Variants in KAZN observed in about 807,000 individuals in gnomAD.
The protein encoded by KAZN is kazrin, periplakin interacting protein, also known as kazrin.
Under a neutral mutation model 87.4 loss-of-function variants are expected in KAZN, and 40 were observed. That is an observed-to-expected ratio of 0.46 (90% CI 0.36 to 0.60). The LOEUF is 0.60. KAZN is among the 20% of genes least tolerant of loss of function. The probability of loss-of-function intolerance (pLI) is 0.00; values close to 1 mark genes in which losing one functional copy is unlikely to be tolerated. For missense variants in KAZN, 898 were observed against 1,073.9 expected (o/e 0.84, Z 2.29); for synonymous variants, 466 against 458.3 (o/e 1.02, Z -0.22).
rs139649732 is a variant in KAZN at position 14,720,885 on chromosome 1, T to G, written c.226+121662T>G. On this transcript the variant is annotated intron_variant, in intron 1 of 14. Coordinates refer to ENST00000376030, the MANE Select transcript of KAZN (RefSeq NM_201628.3). ...CCGCGCCTGACCTTCCTTGCCACTT[T>G]CCAAGGCATTTTTTTCTGCTGCCTC... 2.8e-3 allele frequency among the ~76,000 whole-genome samples: 433 copies of G among 152,282 alleles called. 2 individuals carry two copies. The highest frequency in any genetic ancestry group is 9.7e-3 in the African/African-American group (405 of 41,558).
At chr1:14,691,848 C>G (rs1641330694) in intron 1 of KAZN, among the ~76,000 whole-genome samples, 1 of 152,006 alleles carries the variant, frequency 6.6e-6, no homozygotes. Flanking sequence ...CACCTGCTCT[C>G]CATCCAGCAA....
At chr1:14,205,730 A>G (rs749311331) in intron 2 of KAZN, among the ~76,000 whole-genome samples, 1 of 151,728 alleles carries the variant, frequency 6.6e-6, no homozygotes, top group African/African-American at 2.4e-5. Flanking sequence ...AAAAAATGCA[A>G]AATAAATTAG....
At chr1:14,948,266 G>A (rs1341688819) in intron 1 of KAZN, among the ~76,000 whole-genome samples, 2 of 152,218 alleles carry the variant, frequency 1.3e-5, no homozygotes, top group Non-Finnish European at 2.9e-5. Flanking sequence ...ATAGGATCTG[G>A]CTTCAGGTGT....
chr1:14,988,348 C>T (rs1237053480), intron 2 of KAZN, among the ~76,000 whole-genome samples: 4 of 152,224 alleles, frequency 2.6e-5, no homozygotes, highest in East Asian at 1.9e-4. Context: ...CAGGCAGACA[C>T]GGAGCCCCCA....
intron 1 of KAZN, chr1:14,929,928 A>T (rs2101566376): frequency 1.0e-6 from 1 of 985,464 alleles, no homozygotes; most frequent in African/African-American, 1.7e-5. Flanking sequence ...AAGAGAGGCC[A>T]GTTAGAGGAT....
At chr1:14,673,827 T>G (rs1640061814) in intron 1 of KAZN, among the ~76,000 whole-genome samples, 1 of 152,166 alleles carries the variant, frequency 6.6e-6, no homozygotes, top group Non-Finnish European at 1.5e-5. Context: ...TCTTAACACC[T>G]TAATGTTCAG....
At chr1:14,754,807 C>G (rs1348164782) in intron 1 of KAZN, among the ~76,000 whole-genome samples, 1 of 152,062 alleles carries the variant, frequency 6.6e-6, no homozygotes, top group African/African-American at 2.4e-5. Context: ...CTGGTAGATG[C>G]TCACTGGAAT....
intron 2 of KAZN, among the ~76,000 whole-genome samples, chr1:14,521,813 C>A (rs1307327093): frequency 1.3e-5 from 2 of 152,086 alleles, no homozygotes. Context: ...GTCAAGTTAC[C>A]ACATCATGGT....
At chr1:14,340,980 C>T (rs1657674988) in intron 2 of KAZN, among the ~76,000 whole-genome samples, 1 of 148,126 alleles carries the variant, frequency 6.8e-6, no homozygotes, top group Non-Finnish European at 1.5e-5. Context: ...CTCTGCCTCC[C>T]GGGTTCAAGC....
intron 2 of KAZN, among the ~76,000 whole-genome samples, chr1:14,195,019 C>T (rs1044234311): frequency 5.9e-5 from 9 of 152,202 alleles, no homozygotes; most frequent in African/African-American, 1.9e-4. Flanking sequence ...AAGCTGCTTG[C>T]ATAGTTGGCT....
intron 1 of KAZN, among the ~76,000 whole-genome samples, chr1:14,870,913 T>C (rs1470281810): frequency 1.3e-5 from 2 of 152,350 alleles, no homozygotes; most frequent in East Asian, 1.9e-4. Flanking sequence ...AGACTCATCA[T>C]ATGAATGGCC....
intron 2 of KAZN, among the ~76,000 whole-genome samples, chr1:14,554,238 G>A (rs1208056665): frequency 2.0e-5 from 3 of 151,564 alleles, no homozygotes; most frequent in Non-Finnish European, 4.4e-5. Context: ...AATAAAAGTC[G>A]GTCTTCAGCT....
At chr1:14,358,791 G>A (rs942572175) in intron 2 of KAZN, among the ~76,000 whole-genome samples, 2 of 145,232 alleles carry the variant, frequency 1.4e-5, no homozygotes, top group Non-Finnish European at 2.9e-5. Flanking sequence ...CTGAGAGACT[G>A]TTTGTTATGA....
intron 2 of KAZN, among the ~76,000 whole-genome samples, chr1:14,349,854 A>C (rs1407041121): frequency 6.6e-6 from 1 of 152,064 alleles, no homozygotes; most frequent in Non-Finnish European, 1.5e-5. Context: ...TAGTGACAAG[A>C]GGCCCGGTGC....
intron 1 of KAZN, among the ~76,000 whole-genome samples, chr1:14,024,363 T>C (rs1640976371): frequency 6.6e-6 from 1 of 152,182 alleles, no homozygotes; most frequent in African/African-American, 2.4e-5. Flanking sequence ...TCTTTCAAAA[T>C]ATCAAAATTA....
At chr1:14,825,799 C>G (rs912834979) in intron 1 of KAZN, among the ~76,000 whole-genome samples, 5 of 152,206 alleles carry the variant, frequency 3.3e-5, no homozygotes, top group African/African-American at 1.2e-4. Flanking sequence ...CAGGACTGGA[C>G]TTTCTGTCCA....
chr1:14,681,655 ATATTTTTTTTTTTTTT>A (rs1640651719), intron 1 of KAZN, among the ~76,000 whole-genome samples: 12 of 8,680 alleles, frequency 1.4e-3, no homozygotes, highest in African/African-American at 3.9e-3. Context: ...ATATATATAT[ATATTTTTTTTTTTTTT>A]TTTTTTTTTT....
chr1:14,162,018 T>C (rs930173067), intron 1 of KAZN, among the ~76,000 whole-genome samples: 1 of 152,238 alleles, frequency 6.6e-6, no homozygotes, highest in Non-Finnish European at 1.5e-5. Context: ...CAGAAATTGC[T>C]GGACCATACA....
chr1:14,344,883 T>G (rs114638666), intron 2 of KAZN, among the ~76,000 whole-genome samples: 1,748 of 151,788 alleles, frequency 0.012, 36 homozygotes, highest in African/African-American at 0.039. Flanking sequence ...CTTCAGGGAC[T>G]CAACACAAAC....
Sources: gnomAD v4.1 joint callset for allele counts (sites outside exome capture counted in the v4.1 genomes callset) on GRCh38, gnomAD v4.1.1 for gene constraint, MANE v1.5 for transcripts, NCBI Gene and HGNC (gene_info 2026-07-23, HGNC 2026-07-21) for gene names.